The following CPA6 variants were observed in gnomAD, a reference collection of about 807,000 sequenced individuals.
CPA6 encodes carboxypeptidase B.
Under a neutral mutation model 63.3 loss-of-function variants are expected in CPA6, and 58 were observed. The observed-to-expected ratio is 0.92, with a 90% confidence interval of 0.74 to 1.14. The LOEUF is 1.14. Ranked by LOEUF, CPA6 falls within the 50% of genes most tolerant of loss-of-function variation. The pLI, the probability that CPA6 is intolerant of heterozygous loss-of-function variation, is 0.00. For synonymous variants in CPA6, 185 were observed against 179.0 expected, an observed-to-expected ratio of 1.03 and a Z score of -0.27; for missense variants, 565 against 526.6, an observed-to-expected ratio of 1.07 and a Z score of -0.71.
intron 2 of CPA6, among the ~76,000 whole-genome samples, chr8:67,579,051 G>A (rs729408): frequency 0.4 from 60,770 of 152,100 alleles, 13,107 homozygotes; most frequent in East Asian, 0.53. Flanking sequence ...TTTAAACAAC[G>A]TAAATTAAAT....
At chr8:67,644,142 A>G (rs1414843757) in intron 1 of CPA6, among the ~76,000 whole-genome samples, 3 of 149,460 alleles carry the variant, frequency 2.0e-5, no homozygotes, top group African/African-American at 4.9e-5. Context: ...TTTTTGAGAC[A>G]GAGTCTCGCT....
intron 1 of CPA6, among the ~76,000 whole-genome samples, chr8:67,640,392 G>A (rs576739754): frequency 6.6e-6 from 1 of 151,686 alleles, no homozygotes; most frequent in Non-Finnish European, 1.5e-5. Context: ...CGAGGTGGCA[G>A]GGAGCTGGCG....
intron 2 of CPA6, among the ~76,000 whole-genome samples, chr8:67,524,613 C>CTTTT (rs71554611): frequency 1.5e-4 from 23 of 149,816 alleles, no homozygotes; most frequent in South Asian, 4.2e-4. Flanking sequence ...TTTGAAAAAA[C>CTTTT]TTTTTTTGTT....
intron 1 of CPA6, among the ~76,000 whole-genome samples, chr8:67,657,593 C>A (rs779383864): frequency 9.2e-5 from 14 of 152,218 alleles, no homozygotes; most frequent in African/African-American, 3.4e-4. Flanking sequence ...TCTCCAGCAA[C>A]CAGCCCAGCT....
chr8:67,470,657 A>C lies in CPA6; in HGVS notation c.838+13111T>G, dbSNP rs530795958. On this transcript the variant is annotated intron_variant, in intron 8 of 10. Coordinates refer to ENST00000297770, the MANE Select transcript of CPA6 (RefSeq NM_020361.5). ...ATGTTTGATTCTGAAGTGTTTATAT[A>C]AAAACGATAATAAACCATTCTCTGC... Among the ~76,000 whole-genome samples, 15 of 152,280 alleles carry C rather than the reference A, an allele frequency of 9.9e-5. 1 individual carries two copies. In the East Asian group the frequency reaches 2.9e-3, roughly 29 times the overall value.
At chr8:67,589,485 C>G (rs1564012829) in intron 2 of CPA6, among the ~76,000 whole-genome samples, 1 of 152,156 alleles carries the variant, frequency 6.6e-6, no homozygotes, top group Admixed American at 6.5e-5. Flanking sequence ...AAGAAGCTGA[C>G]TAGATGATCA....
At chr8:67,458,338 C>T (rs1412136304) in intron 8 of CPA6, among the ~76,000 whole-genome samples, 3 of 152,234 alleles carry the variant, frequency 2.0e-5, no homozygotes, top group East Asian at 1.9e-4. Context: ...GCTGGAATTA[C>T]AGGCGCTCAC....
chr8:67,739,070 C>G (rs778054077), intron 1 of CPA6, among the ~76,000 whole-genome samples: 30 of 152,172 alleles, frequency 2.0e-4, no homozygotes, highest in Non-Finnish European at 3.7e-4. Flanking sequence ...TACCTTGGTG[C>G]TATAAAATAA....
chr8:67,476,906 G>A (rs7821161), intron 8 of CPA6, among the ~76,000 whole-genome samples: 71,930 of 152,018 alleles, frequency 0.47, 19,308 homozygotes, highest in African/African-American at 0.76. Flanking sequence ...TCCTTAAGAA[G>A]TGCCAGCCAT....
chr8:67,554,942 T>C (rs1813026738), intron 2 of CPA6, among the ~76,000 whole-genome samples: 1 of 152,184 alleles, frequency 6.6e-6, no homozygotes, highest in South Asian at 2.1e-4. Context: ...CAGTCACACC[T>C]GGGGCAGTCC....
At chr8:67,556,413 C>G (rs1587556698) in intron 2 of CPA6, among the ~76,000 whole-genome samples, 1 of 152,160 alleles carries the variant, frequency 6.6e-6, no homozygotes, top group Non-Finnish European at 1.5e-5. Context: ...CACACACACT[C>G]CTGCACAGAA....
chr8:67,559,870 T>TAC (rs1554674455), intron 2 of CPA6, among the ~76,000 whole-genome samples: 63,221 of 146,290 alleles, frequency 0.43, 15,063 homozygotes, highest in Non-Finnish European at 0.54. Flanking sequence ...TATATATGTA[T>TAC]ACACACACAC....
chr8:67,546,133 G>T (rs1812814212), intron 2 of CPA6, among the ~76,000 whole-genome samples: 1 of 152,128 alleles, frequency 6.6e-6, no homozygotes, highest in Non-Finnish European at 1.5e-5. Flanking sequence ...TTCAGGTTTT[G>T]TGGGAACCTG....
At chr8:67,528,904 G>T (rs1812420715) in intron 2 of CPA6, among the ~76,000 whole-genome samples, 1 of 151,480 alleles carries the variant, frequency 6.6e-6, no homozygotes, top group African/African-American at 2.4e-5. Flanking sequence ...GTTCTGCCAA[G>T]GACAGGAGAG....
intron 8 of CPA6, among the ~76,000 whole-genome samples, chr8:67,443,484 G>A (rs529440138): frequency 9.9e-5 from 15 of 152,064 alleles, no homozygotes; most frequent in Non-Finnish European, 2.2e-4. Context: ...CCATAACTGT[G>A]AAGTTTTTTT....
At chr8:67,518,464 A>G (rs1444878035) in intron 2 of CPA6, among the ~76,000 whole-genome samples, 1 of 151,594 alleles carries the variant, frequency 6.6e-6, no homozygotes. Flanking sequence ...TTTCAAATGG[A>G]ACATTCTCTC....
chr8:67,502,400 C>T (rs1811846470), intron 6 of CPA6, among the ~76,000 whole-genome samples: 2 of 152,168 alleles, frequency 1.3e-5, no homozygotes, highest in Non-Finnish European at 2.9e-5. Context: ...GAAATCAAGG[C>T]TGCAGTGAGC....
intron 1 of CPA6, among the ~76,000 whole-genome samples, chr8:67,707,763 C>T (rs112851441): frequency 0.023 from 3,565 of 152,112 alleles, 165 homozygotes; most frequent in African/African-American, 0.082. Context: ...CAAAAATTAG[C>T]TGGGCATTGT....
intron 6 of CPA6, among the ~76,000 whole-genome samples, chr8:67,500,407 T>A (rs1811807619): frequency 6.6e-6 from 1 of 152,168 alleles, no homozygotes; most frequent in South Asian, 2.1e-4. Context: ...ACTGTCAAGT[T>A]TTGAGTTTAT....
Sources: allele counts gnomAD v4.1 joint callset (sites outside exome capture counted in the v4.1 genomes callset), GRCh38; gene constraint gnomAD v4.1.1; transcripts MANE v1.5; gene names NCBI Gene and HGNC (gene_info 2026-07-23, HGNC 2026-07-21).